Variants in MYO1D observed in about 807,000 individuals in gnomAD.
MYO1D encodes unconventional myosin-Id.
Under a neutral mutation model 122.0 loss-of-function variants are expected in MYO1D, and 83 were observed. The observed-to-expected ratio is 0.68, with a 90% CI of 0.57 to 0.82. The LOEUF (loss-of-function observed/expected upper bound fraction) is 0.82. MYO1D is among the 40% of genes least tolerant of loss of function. The pLI, the probability that MYO1D is intolerant of heterozygous loss-of-function variation, is 0.00. For synonymous variants in MYO1D, 464 were observed against 446.9 expected, an observed-to-expected ratio of 1.04 and a Z score of -0.48; for missense variants, 1,157 against 1,269.5, an observed-to-expected ratio of 0.91 and a Z score of 1.35.
At chr17:32,875,910 T>C (rs978886029) in intron 1 of MYO1D, among the ~76,000 whole-genome samples, 1 of 152,328 alleles carries the variant, frequency 6.6e-6, no homozygotes, top group African/African-American at 2.4e-5. Context: ...TAAGTCAAAC[T>C]ACTTTAAAAC....
intron 21 of MYO1D, among the ~76,000 whole-genome samples, chr17:32,550,449 A>AT (rs1235703721): frequency 7.9e-5 from 12 of 151,476 alleles, no homozygotes; most frequent in Admixed American, 4.6e-4. Flanking sequence ...CAGAGTTGCA[A>AT]TTTTTTTTTG....
At chr17:32,640,739 G>T (rs1197719838) in intron 19 of MYO1D, among the ~76,000 whole-genome samples, 2 of 151,070 alleles carry the variant, frequency 1.3e-5, no homozygotes, top group African/African-American at 4.9e-5. Flanking sequence ...TGGACATTTG[G>T]GTTGGTTCCA....
At chr17:32,514,865 G>A (rs1421288849) in intron 21 of MYO1D, among the ~76,000 whole-genome samples, 1 of 152,222 alleles carries the variant, frequency 6.6e-6, no homozygotes, top group African/African-American at 2.4e-5. Context: ...TTAATCAAAA[G>A]AGGAGACAAT....
chr17:32,540,754 C>T (rs1447228740), intron 21 of MYO1D, among the ~76,000 whole-genome samples: 3 of 151,580 alleles, frequency 2.0e-5, no homozygotes, highest in Non-Finnish European at 2.9e-5. Flanking sequence ...GGTGAAACCC[C>T]GTCTCTACTA....
chr17:32,524,265 G>A (rs1204635011), intron 21 of MYO1D, among the ~76,000 whole-genome samples: 3 of 152,112 alleles, frequency 2.0e-5, no homozygotes, highest in African/African-American at 4.8e-5. Context: ...GCTTCCTTCC[G>A]ACGTCAACTC....
At chr17:32,744,532 TC>T (rs1400497626) in intron 13 of MYO1D, among the ~76,000 whole-genome samples, 2 of 152,182 alleles carry the variant, frequency 1.3e-5, no homozygotes, top group Non-Finnish European at 2.9e-5. Flanking sequence ...AAAGTGTGCC[TC>T]AAAGGTACTC....
intron 20 of MYO1D, among the ~76,000 whole-genome samples, chr17:32,619,748 C>A (rs2087830686): frequency 6.6e-6 from 1 of 152,102 alleles, no homozygotes; most frequent in African/African-American, 2.4e-5. Context: ...TTTTTCCTCT[C>A]TCTTAAAATA....
rs1428249410 is a variant in MYO1D, at chr17:32,612,709, AAAAG to A, written c.2710-7472_2710-7469del. On this transcript the variant is annotated intron_variant, in intron 20 of 21. Coordinates refer to ENST00000318217, the MANE Select transcript of MYO1D (RefSeq NM_015194.3). ...AAAAAAAAAAAACAAAAAAAAAAAA[AAAAG>A]AAGAAGAAGAAATTAGAAGAGAAAA... Among the ~76,000 whole-genome samples the A allele has an allele frequency of 5.2e-3, 791 of 151,286 alleles. 1 individual carries two copies. Among genetic ancestry groups the A allele is most frequent in the Non-Finnish European group, 7.2e-3 (489 of 67,792 alleles).
At chr17:32,631,999 G>C (rs2088013685) in intron 20 of MYO1D, among the ~76,000 whole-genome samples, 1 of 152,172 alleles carries the variant, frequency 6.6e-6, no homozygotes, top group Non-Finnish European at 1.5e-5. Context: ...CTTAAGTTAG[G>C]AAAGATTTGC....
intron 20 of MYO1D, among the ~76,000 whole-genome samples, chr17:32,634,167 A>G (rs566403388): frequency 4.6e-4 from 70 of 152,310 alleles, no homozygotes; most frequent in Middle Eastern, 3.4e-3. Flanking sequence ...TAATTTCTAG[A>G]CTGTCATTCT....
intron 16 of MYO1D, among the ~76,000 whole-genome samples, chr17:32,706,873 T>G (rs1281608278): frequency 1.3e-5 from 2 of 152,068 alleles, no homozygotes; most frequent in Non-Finnish European, 2.9e-5. Context: ...ATTTTTTGTA[T>G]TTTTAGTAGA....
At chr17:32,760,089 C>T (rs1232412685) in intron 10 of MYO1D, 1 of 709,964 alleles carries the variant, frequency 1.4e-6, no homozygotes, top group Non-Finnish European at 2.6e-6. Context: ...ATGTTCTGGG[C>T]ATCAACAAGG....
chr17:32,742,113 C>T (rs1007809599), intron 13 of MYO1D, among the ~76,000 whole-genome samples: 11 of 151,760 alleles, frequency 7.2e-5, no homozygotes, highest in Admixed American at 5.9e-4. Context: ...TCATTATTCT[C>T]TAAACAATAC....
At chr17:32,808,895 T>C (rs2090544389) in intron 1 of MYO1D, among the ~76,000 whole-genome samples, 1 of 152,202 alleles carries the variant, frequency 6.6e-6, no homozygotes, top group Admixed American at 6.5e-5. Context: ...GATATTTTGT[T>C]AGAGCAGCCT....
At chr17:32,510,365 G>C (rs1909649609) in intron 21 of MYO1D, 1 of 152,276 alleles carries the variant, frequency 6.6e-6, no homozygotes, top group African/African-American at 2.4e-5. Context: ...TCCCTGCACA[G>C]GCACTTTCAC....
At chr17:32,737,980 T>C (rs903178750) in intron 14 of MYO1D, among the ~76,000 whole-genome samples, 2 of 152,234 alleles carry the variant, frequency 1.3e-5, no homozygotes, top group African/African-American at 4.8e-5. Context: ...CTGTGCCTTA[T>C]ATATTTTTCA....
intron 21 of MYO1D, among the ~76,000 whole-genome samples, chr17:32,528,727 G>A (rs1375273331): frequency 1.3e-5 from 2 of 152,172 alleles, no homozygotes; most frequent in African/African-American, 2.4e-5. Flanking sequence ...GGAGGAGGAG[G>A]AGGAGGCAGT....
chr17:32,783,350 A>G (rs958133167), intron 1 of MYO1D, among the ~76,000 whole-genome samples: 9 of 152,144 alleles, frequency 5.9e-5, no homozygotes, highest in African/African-American at 2.2e-4. Context: ...ATAATATTTT[A>G]TTACAAATAA....
At chr17:32,767,931 A>C (rs2090075322) in intron 6 of MYO1D, among the ~76,000 whole-genome samples, 179 bp from the exon 7 acceptor site, 1 of 152,248 alleles carries the variant, frequency 6.6e-6, no homozygotes, top group African/African-American at 2.4e-5. Context: ...CAGCACGTAC[A>C]AAGCCCACTT....
Sources: gnomAD v4.1 joint callset for allele counts (sites outside exome capture counted in the v4.1 genomes callset) on GRCh38, gnomAD v4.1.1 for gene constraint, MANE v1.5 for transcripts, NCBI Gene and HGNC (gene_info 2026-07-23, HGNC 2026-07-21) for gene names.